VASH2: variants seen among roughly 807,000 people sequenced by gnomAD.
The protein encoded by VASH2 is tubulinyl-Tyr carboxypeptidase 2.
In VASH2, 28 loss-of-function variants were observed where a neutral mutation model predicts 37.2. That is an observed-to-expected ratio of 0.75 (90% CI 0.56 to 1.03). The LOEUF is 1.03. Among genes scored for constraint, VASH2 ranks in the 50% least tolerant of loss-of-function variants. VASH2 has a pLI of 0.00. For synonymous variants in VASH2, 188 were observed against 174.7 expected, an observed-to-expected ratio of 1.08 and a Z score of -0.60; for missense variants, 419 against 459.1, an observed-to-expected ratio of 0.91 and a Z score of 0.80.
chr1:212,973,475 A>G (rs773206616), intron 6 of VASH2: 3 of 1,290,808 alleles, frequency 2.3e-6, no homozygotes, highest in Admixed American at 2.3e-5. Context: ...AGGCCTGGCT[A>G]TGTTTAGCAC....
intron 7 of VASH2, 69 bp downstream of exon 7, chr1:212,974,139 G>T (rs1314898605): frequency 6.7e-7 from 1 of 1,496,308 alleles, no homozygotes; most frequent in Non-Finnish European, 9.0e-7. Flanking sequence ...CCTGGCCCAT[G>T]GGGACAAAGC....
intron 5 of VASH2, chr1:212,968,899 G>A (rs1292827849): frequency 1.6e-5 from 16 of 985,224 alleles, no homozygotes; most frequent in Non-Finnish European, 1.9e-5. Context: ...TCTGGATTTA[G>A]GTCATTGAAA....
At chr1:212,967,129 C>T in intron 5 of VASH2, 1 of 1,304,524 alleles carries the variant, frequency 7.7e-7, no homozygotes, top group South Asian at 1.2e-5. Flanking sequence ...ACAGCTAAAA[C>T]AAGGGTCTAG....
At chr1:212,957,942 G>A (rs1240404606) in intron 2 of VASH2, among the ~76,000 whole-genome samples, 1 of 152,186 alleles carries the variant, frequency 6.6e-6, no homozygotes, top group Non-Finnish European at 1.5e-5. Context: ...CAAGCCCCAA[G>A]TTGCCTACTT....
chr1:212,951,857 A>G lies in VASH2; in HGVS notation c.276+39A>G, dbSNP rs775229598. ...AGGGCGGAGTTGGGGGGCTGGGGGTAGGTAGGCAGCGATGGGACCGTTTCA... is the reference window on the plus strand; with the variant it reads ...AGGGCGGAGTTGGGGGGCTGGGGGTGGGTAGGCAGCGATGGGACCGTTTCA... On this transcript the variant is annotated intron_variant, in intron 2 of 7. Transcript: ENST00000517399. This position sits in a 1 kb window ranked among gnomAD's most constrained non-coding sequence, Gnocchi z 4.4. 1 of 1,576,078 alleles carries G rather than the reference A, an allele frequency of 6.3e-7. No individual in the cohort carries two copies. The highest frequency in any genetic ancestry group is 2.3e-5 in the East Asian group (1 of 44,146).
chr1:212,955,153 A>G (rs928515465), intron 2 of VASH2, among the ~76,000 whole-genome samples: 6 of 152,190 alleles, frequency 3.9e-5, no homozygotes, highest in African/African-American at 1.4e-4. Context: ...GGCGGTGGTA[A>G]AAGCTTGGCA....
In VASH2 at chr1:212,974,070, C is replaced by T. The variant is rs755056065; in HGVS notation, c.995C>T (p.Ser332Leu). The change falls in exon 7 of 8, where the codon TCG becomes TTG. Residue 332 changes from serine to leucine, a missense_variant and splice_region_variant. Transcript: ENST00000517399. ...PPRRLGRREK[S>L]PALPEKKVAD... ...AGGAGGCTCGGCCGGCGAGAGAAGTCGTGAGTAATATTTCCTCTTCCCCAA... is the reference window on the plus strand; with the variant it reads ...AGGAGGCTCGGCCGGCGAGAGAAGTTGTGAGTAATATTTCCTCTTCCCCAA... 6.2e-6 allele frequency: 10 copies of T among 1,610,600 alleles called. No homozygotes were observed. Among genetic ancestry groups the T allele is most frequent in the Non-Finnish European group, 8.5e-6 (10 of 1,178,232 alleles).
intron 7 of VASH2, among the ~76,000 whole-genome samples, chr1:212,977,071 G>A (rs1667197830): frequency 6.6e-6 from 1 of 152,170 alleles, no homozygotes; most frequent in South Asian, 2.1e-4. Flanking sequence ...AGTGGGGGAA[G>A]GAGAAGCACT....
intron 5 of VASH2, among the ~76,000 whole-genome samples, chr1:212,969,414 T>C (rs1413288575): frequency 2.0e-5 from 3 of 152,236 alleles, no homozygotes; most frequent in East Asian, 3.9e-4. Context: ...GCCAGGATGG[T>C]CTCAATCTGC....
chr1:212,961,377 A>C lies in VASH2; in HGVS notation c.365+123A>C, dbSNP rs1666672272. 2.6e-6 allele frequency: 4 copies of C among 1,553,374 alleles called. No homozygotes were observed. The South Asian group carries it at 4.9e-5, about 19-fold the overall frequency. On this transcript the variant is annotated intron_variant, in intron 3 of 7. Transcript: ENST00000517399. Reference sequence around the variant, plus strand: ...CTCTCTAAGGTTGGTGAGGCCAGGCATGGAGGGATGTCCCGGGTGGGAGTC... The same window carrying C: ...CTCTCTAAGGTTGGTGAGGCCAGGCCTGGAGGGATGTCCCGGGTGGGAGTC...
At chr1:212,985,803 G>C in intron 7 of VASH2, among the ~76,000 whole-genome samples, 1 of 152,150 alleles carries the variant, frequency 6.6e-6, no homozygotes, top group Non-Finnish European at 1.5e-5. Flanking sequence ...AAGATGAAGG[G>C]CACATACCAG....
At position 212,974,035 on chromosome 1, in the gene VASH2, A is replaced by G; in HGVS notation, c.960A>G (p.Ala320=). ...GKSLSPRRRQ[A]SPPRRLGRRE... is the part of the protein sequence containing the mutation. Reference sequence around the variant, plus strand: ...CCCTGTCCCCCAGAAGGAGACAGGCAAGCCCCCCGAGGAGGCTCGGCCGGC... The same window carrying G: ...CCCTGTCCCCCAGAAGGAGACAGGCGAGCCCCCCGAGGAGGCTCGGCCGGC... Residue 320 remains alanine (A), a synonymous_variant, in exon 7 of 8, where the codon GCA becomes GCG. Transcript: ENST00000517399. 3 of 1,613,786 alleles carry G rather than the reference A, an allele frequency of 1.9e-6. No individual in the cohort carries two copies. Among genetic ancestry groups the G allele is most frequent in the Non-Finnish European group, 1.7e-6 (2 of 1,179,832 alleles).
chr1:212,973,913 C>A, intron 6 of VASH2, 42 bp from the exon 7 acceptor site: 1 of 1,595,304 alleles, frequency 6.3e-7, no homozygotes, highest in South Asian at 1.1e-5. Context: ...GGGTGGAGGT[C>A]CCTTAGGAAC....
intron 7 of VASH2, 66 bp from the exon 8 acceptor site, chr1:212,988,446 A>C: frequency 2.6e-6 from 4 of 1,544,732 alleles, no homozygotes; most frequent in Non-Finnish European, 3.6e-6. Flanking sequence ...GAGGACCTTG[A>C]AAATGCTGTT....
Position 212,989,408 on chromosome 1 carries a change from T to C in VASH2, c.*824T>C, listed in dbSNP as rs1029792221. The C allele has an allele frequency of 3.3e-5, 5 of 152,252 alleles. No individual in the cohort carries two copies. The highest frequency in any genetic ancestry group is 1.2e-4 in the African/African-American group (5 of 41,466). 9.4% of individuals were successfully genotyped at this position (152,252 alleles called of 1,614,324 possible). ...AAAAGCACAAGAGGTCACGTACTATTATACAAATTTAGCGGTACTGGATTT... is the reference window on the plus strand; with the variant it reads ...AAAAGCACAAGAGGTCACGTACTATCATACAAATTTAGCGGTACTGGATTT... On this transcript the variant is annotated 3_prime_UTR_variant, in exon 8 of 8. Transcript: ENST00000517399.
chr1:212,977,183 GGCCA>G (rs66715485), intron 7 of VASH2, among the ~76,000 whole-genome samples: 1,658 of 64,028 alleles, frequency 0.026, 29 homozygotes, highest in African/African-American at 0.12. Flanking sequence ...AGCTGATGCA[GGCCA>G]GATTCCTTTA....
intron 5 of VASH2, chr1:212,969,253 C>T (rs12731171): frequency 0.34 from 324,542 of 943,992 alleles, 56,390 homozygotes; most frequent in Admixed American, 0.46. Context: ...AGTGCAGTGG[C>T]GAGATCTCAG....
chr1:212,964,729 A>C (rs1220106774), intron 3 of VASH2, among the ~76,000 whole-genome samples: 1 of 152,166 alleles, frequency 6.6e-6, no homozygotes, highest in Non-Finnish European at 1.5e-5. Context: ...TCTATGCGCT[A>C]CTGCAAAGCC....
chr1:212,973,685 G>A, intron 6 of VASH2: 2 of 1,268,580 alleles, frequency 1.6e-6, no homozygotes, highest in Non-Finnish European at 2.0e-6. Flanking sequence ...CTGAGGCATT[G>A]GGCTGTGTTC....
Sources: gnomAD v4.1 joint callset for allele counts (sites outside exome capture counted in the v4.1 genomes callset) on GRCh38, gnomAD v4.1.1 for gene constraint, Gnocchi (gnomAD v3.1) non-coding constraint, MANE v1.5 for transcripts, NCBI Gene and HGNC (gene_info 2026-07-23, HGNC 2026-07-21) for gene names.